UVRAG: variants seen among roughly 807,000 people sequenced by gnomAD.
UVRAG encodes UV radiation resistance-associated gene protein.
A neutral mutation model predicts 78.0 loss-of-function variants in UVRAG; 19 were observed. The observed-to-expected ratio is 0.24, with a 90% CI of 0.17 to 0.36. UVRAG has a LOEUF of 0.36. Among genes scored for constraint, UVRAG ranks in the 10% least tolerant of loss-of-function variants. The pLI, the probability that UVRAG is intolerant of heterozygous loss-of-function variation, is 1.00. For synonymous variants in UVRAG, 323 were observed against 324.6 expected, an observed-to-expected ratio of 1.00 and a Z score of 0.05; for missense variants, 740 against 853.8, an observed-to-expected ratio of 0.87 and a Z score of 1.66.
intron 6 of UVRAG, among the ~76,000 whole-genome samples, chr11:75,961,000 C>A (rs1432191083): frequency 1.3e-5 from 2 of 151,830 alleles, no homozygotes; most frequent in Non-Finnish European, 2.9e-5. Context: ...TGCTTTGATT[C>A]AACCTTCTCA....
At chr11:76,052,157 T>C (rs913715578) in intron 12 of UVRAG, among the ~76,000 whole-genome samples, 3 of 152,224 alleles carry the variant, frequency 2.0e-5, no homozygotes, top group Non-Finnish European at 4.4e-5. Context: ...CCCACTGGAC[T>C]TTAACCTCAT....
At chr11:76,061,539 A>T (rs530366845) in intron 12 of UVRAG, among the ~76,000 whole-genome samples, 1 of 152,162 alleles carries the variant, frequency 6.6e-6, no homozygotes, top group African/African-American at 2.4e-5. Context: ...GAAGGTCTGC[A>T]GCTTCACTCC....
intron 8 of UVRAG, 90 bp from the exon 9 acceptor site, chr11:76,003,915 C>T (rs994047018): frequency 8.4e-7 from 1 of 1,190,202 alleles, no homozygotes; most frequent in Admixed American, 1.7e-5. Flanking sequence ...TTATTTCCCT[C>T]TCACAGTCAG....
At chr11:76,019,533 G>A (rs574094174) in intron 12 of UVRAG, among the ~76,000 whole-genome samples, 1 of 152,348 alleles carries the variant, frequency 6.6e-6, no homozygotes, top group African/African-American at 2.4e-5. Context: ...TGTGATCTAA[G>A]CTGTATCTGC....
At chr11:76,076,418 T>C (rs998006666) in intron 13 of UVRAG, among the ~76,000 whole-genome samples, 1 of 152,188 alleles carries the variant, frequency 6.6e-6, no homozygotes, top group African/African-American at 2.4e-5. Context: ...AACTCCCCTT[T>C]ATAAATCTGA....
intron 11 of UVRAG, among the ~76,000 whole-genome samples, chr11:76,014,251 A>G (rs2135362665): frequency 6.6e-6 from 1 of 152,332 alleles, no homozygotes; most frequent in South Asian, 2.1e-4. Flanking sequence ...GAAAATGTAG[A>G]TGCTTGAATG....
At chr11:75,861,297 T>C (rs939293571) in intron 2 of UVRAG, among the ~76,000 whole-genome samples, 1 of 152,208 alleles carries the variant, frequency 6.6e-6, no homozygotes, top group Non-Finnish European at 1.5e-5. Context: ...ACCAAAACTG[T>C]CAACCAGTTA....
At chr11:76,113,455 T>G (rs1332871553) in intron 13 of UVRAG, among the ~76,000 whole-genome samples, 3 of 152,094 alleles carry the variant, frequency 2.0e-5, no homozygotes, top group African/African-American at 7.2e-5. Flanking sequence ...TATAAGCATA[T>G]TATTCAGAAA....
At chr11:76,124,109 A>G (rs993630240) in intron 14 of UVRAG, among the ~76,000 whole-genome samples, 1 of 152,234 alleles carries the variant, frequency 6.6e-6, no homozygotes, top group Non-Finnish European at 1.5e-5. Context: ...GTTATTGGGA[A>G]ACTATTTCCC....
chr11:75,820,719 A>G (rs893183197), intron 1 of UVRAG, among the ~76,000 whole-genome samples: 8 of 152,108 alleles, frequency 5.3e-5, no homozygotes, highest in African/African-American at 1.9e-4. Context: ...ATCAATATTT[A>G]TATATTATTG....
At chr11:76,013,294 A>C (rs572675806) in intron 11 of UVRAG, among the ~76,000 whole-genome samples, 1 of 152,210 alleles carries the variant, frequency 6.6e-6, no homozygotes, top group Middle Eastern at 3.2e-3. Flanking sequence ...AAAATAAACC[A>C]GGAATATTTA....
intron 4 of UVRAG, among the ~76,000 whole-genome samples, chr11:75,884,840 C>G (rs2134908521): frequency 6.6e-6 from 1 of 152,008 alleles, no homozygotes; most frequent in South Asian, 2.1e-4. Flanking sequence ...CAACTTTGTT[C>G]TTTTTTCAAA....
chr11:76,062,708 A>G (rs920172398), intron 12 of UVRAG, among the ~76,000 whole-genome samples: 3 of 152,184 alleles, frequency 2.0e-5, no homozygotes, highest in Non-Finnish European at 2.9e-5. Flanking sequence ...TACTGAAGCC[A>G]TGTCTCTTCC....
At chr11:76,136,035 C>A (rs1952592381) in intron 14 of UVRAG, among the ~76,000 whole-genome samples, 1 of 152,160 alleles carries the variant, frequency 6.6e-6, no homozygotes, top group African/African-American at 2.4e-5. Flanking sequence ...CTATGAGTTT[C>A]AACCTCTTCA....
chr11:76,123,651 C>G (rs947058867), intron 14 of UVRAG, among the ~76,000 whole-genome samples: 4 of 151,934 alleles, frequency 2.6e-5, no homozygotes, highest in Non-Finnish European at 5.9e-5. Context: ...CATCTTCATG[C>G]AAGGTAGTAT....
intron 5 of UVRAG, chr11:75,892,232 C>T: frequency 1.7e-6 from 1 of 598,120 alleles, no homozygotes; most frequent in South Asian, 7.4e-5. Flanking sequence ...CAGTCACACA[C>T]AGGTCCATCT....
intron 12 of UVRAG, among the ~76,000 whole-genome samples, chr11:76,019,162 C>A (rs1428516700): frequency 6.6e-6 from 1 of 152,156 alleles, no homozygotes; most frequent in Non-Finnish European, 1.5e-5. Flanking sequence ...GCATTTTTCA[C>A]CTCTAGAATA....
At chr11:75,926,607 A>G (rs183230916) in intron 6 of UVRAG, among the ~76,000 whole-genome samples, 1 of 152,322 alleles carries the variant, frequency 6.6e-6, no homozygotes, top group Admixed American at 6.5e-5. Context: ...ATTAATTAAA[A>G]TATATTGTCC....
chr11:75,951,611 G>T (rs967072195), intron 6 of UVRAG, among the ~76,000 whole-genome samples: 1 of 152,056 alleles, frequency 6.6e-6, no homozygotes, highest in African/African-American at 2.4e-5. Context: ...CGAACTCCCA[G>T]CCTCAGGTGA....
Sources: allele counts gnomAD v4.1 joint callset (sites outside exome capture counted in the v4.1 genomes callset), GRCh38; gene constraint gnomAD v4.1.1; transcripts MANE v1.5; gene names NCBI Gene and HGNC (gene_info 2026-07-23, HGNC 2026-07-21).